Variants in CDH4 observed in about 807,000 individuals in gnomAD.
CDH4 encodes the protein cadherin-4.
In CDH4, 33 loss-of-function variants were observed where a neutral mutation model predicts 86.0. The observed-to-expected ratio is 0.38, with a 90% CI of 0.29 to 0.51. The LOEUF (loss-of-function observed/expected upper bound fraction) is 0.51. Ranked by LOEUF, CDH4 falls within the 20% of genes least tolerant of loss-of-function variation. The probability of loss-of-function intolerance (pLI) is 0.86; values close to 1 mark genes in which losing one functional copy is unlikely to be tolerated. For synonymous variants in CDH4, 555 were observed against 549.4 expected (o/e 1.01, Z -0.14); for missense variants, 1,114 against 1,307.4 (o/e 0.85, Z 2.28).
intron 2 of CDH4, among the ~76,000 whole-genome samples, chr20:61,694,612 A>G (rs1331534788): frequency 6.6e-6 from 1 of 152,182 alleles, no homozygotes; most frequent in Non-Finnish European, 1.5e-5. Flanking sequence ...GGAAGGCTGA[A>G]CTGGGGTTCT....
At chr20:61,843,186 C>A (rs569356928) in intron 4 of CDH4, among the ~76,000 whole-genome samples, 83 of 151,192 alleles carry the variant, frequency 5.5e-4, no homozygotes, top group African/African-American at 1.9e-3. Flanking sequence ...CGCGGTGGCT[C>A]ACGCCTGTAA....
intron 2 of CDH4, among the ~76,000 whole-genome samples, chr20:61,573,897 C>G (rs2086363537): frequency 6.6e-6 from 1 of 152,204 alleles, no homozygotes; most frequent in South Asian, 2.1e-4. Context: ...CAGGAGCTCC[C>G]CTCGCTCACC....
At chr20:61,270,426 T>C (rs7354684) in intron 2 of CDH4, among the ~76,000 whole-genome samples, 1 of 152,194 alleles carries the variant, frequency 6.6e-6, no homozygotes, top group African/African-American at 2.4e-5. Flanking sequence ...AAGATAAAAA[T>C]GGAATACCAG....
chr20:61,539,333 T>G (rs2086022153), intron 2 of CDH4, among the ~76,000 whole-genome samples: 1 of 152,216 alleles, frequency 6.6e-6, no homozygotes, highest in African/African-American at 2.4e-5. Context: ...CCTTGGGGGC[T>G]TAAACAACAG....
chr20:61,282,947 C>CATTTGCACGCGCGTGCTGTGGCGT (rs1555833167), intron 2 of CDH4, among the ~76,000 whole-genome samples: 1 of 23,472 alleles, frequency 4.3e-5, no homozygotes, highest in African/African-American at 1.5e-4. Flanking sequence ...TGTGCTGTGG[C>CATTTGCACGCGCGTGCTGTGGCGT]GTGTGATGTA....
chr20:61,835,429 G>A (rs34471004), intron 4 of CDH4, among the ~76,000 whole-genome samples: 62,699 of 152,176 alleles, frequency 0.41, 15,947 homozygotes, highest in Non-Finnish European at 0.58. Flanking sequence ...TCCACTGGGT[G>A]TGGTAGGCAC....
chr20:61,349,570 C>T (rs1340858870), intron 2 of CDH4, among the ~76,000 whole-genome samples: 5 of 152,296 alleles, frequency 3.3e-5, no homozygotes, highest in South Asian at 4.1e-4. Flanking sequence ...CTGATGTCCC[C>T]GTTGCTGGAT....
chr20:61,721,424 C>A (rs2088040175), intron 2 of CDH4, among the ~76,000 whole-genome samples: 1 of 152,140 alleles, frequency 6.6e-6, no homozygotes, highest in South Asian at 2.1e-4. Flanking sequence ...TGCCTCCAGC[C>A]CTCCTGCTTC....
At chr20:61,486,552 A>G (rs911854590) in intron 2 of CDH4, among the ~76,000 whole-genome samples, 1 of 152,258 alleles carries the variant, frequency 6.6e-6, no homozygotes, top group African/African-American at 2.4e-5. Context: ...GTTGGAAATA[A>G]AACACTTGTG....
intron 3 of CDH4, among the ~76,000 whole-genome samples, chr20:61,746,619 T>C (rs2088417840): frequency 1.3e-5 from 2 of 152,224 alleles, no homozygotes; most frequent in African/African-American, 2.4e-5. Context: ...CGGCAAGGCT[T>C]CTGCGACTTA....
intron 7 of CDH4, among the ~76,000 whole-genome samples, chr20:61,882,943 A>G (rs982899872): frequency 1.3e-5 from 2 of 151,948 alleles, no homozygotes; most frequent in African/African-American, 4.8e-5. Flanking sequence ...CACGGAGCAC[A>G]TGCCCCAGCC....
chr20:61,527,363 C>T (rs989075124), intron 2 of CDH4, among the ~76,000 whole-genome samples: 2 of 152,092 alleles, frequency 1.3e-5, no homozygotes, highest in African/African-American at 2.4e-5. Flanking sequence ...AATTTTCCTG[C>T]CTCAGCCTCC....
At chr20:61,925,439 C>T (rs1233748451) in intron 11 of CDH4, among the ~76,000 whole-genome samples, 1 of 152,190 alleles carries the variant, frequency 6.6e-6, no homozygotes, top group African/African-American at 2.4e-5. Flanking sequence ...AGTCTTAGTA[C>T]CCCTGAGAAT....
At chr20:61,395,461 G>A (rs1206895291) in intron 2 of CDH4, among the ~76,000 whole-genome samples, 1 of 152,076 alleles carries the variant, frequency 6.6e-6, no homozygotes, top group East Asian at 1.9e-4. Flanking sequence ...GATATACCAT[G>A]ACATAACATA....
chr20:61,575,147 C>T (rs2086373082), intron 2 of CDH4, among the ~76,000 whole-genome samples: 1 of 152,168 alleles, frequency 6.6e-6, no homozygotes, highest in Non-Finnish European at 1.5e-5. Flanking sequence ...CCAGGGTCAG[C>T]TTCAGGAGCA....
intron 6 of CDH4, among the ~76,000 whole-genome samples, chr20:61,856,140 T>C (rs1982990494): frequency 6.6e-6 from 1 of 152,232 alleles, no homozygotes; most frequent in African/African-American, 2.4e-5. Context: ...AGAAGGGTTC[T>C]ACACAGTGCC....
chr20:61,425,242 G>A (rs1033888296), intron 2 of CDH4, among the ~76,000 whole-genome samples: 1 of 152,200 alleles, frequency 6.6e-6, no homozygotes, highest in Non-Finnish European at 1.5e-5. Context: ...TGAGCAGGGC[G>A]GGCACCACAG....
At chr20:61,424,150 ACACACATATC>A (rs2085197179) in intron 2 of CDH4, among the ~76,000 whole-genome samples, 1 of 150,556 alleles carries the variant, frequency 6.6e-6, no homozygotes, top group Non-Finnish European at 1.5e-5. Flanking sequence ...ACACATGTAT[ACACACATATC>A]CACACATATG....
intron 2 of CDH4, among the ~76,000 whole-genome samples, chr20:61,511,143 A>G (rs931320983): frequency 2.6e-5 from 4 of 152,232 alleles, no homozygotes; most frequent in Non-Finnish European, 5.9e-5. Flanking sequence ...CAAATATCCA[A>G]ACTACATCAT....
Sources: allele counts gnomAD v4.1 joint callset (sites outside exome capture counted in the v4.1 genomes callset), GRCh38; gene constraint gnomAD v4.1.1; transcripts MANE v1.5; gene names NCBI Gene and HGNC (gene_info 2026-07-23, HGNC 2026-07-21).